Variants in AFDN observed in about 807,000 individuals in gnomAD.
The protein encoded by AFDN is afadin, adherens junction formation factor.
A neutral mutation model predicts 216.6 loss-of-function variants in AFDN; 68 were observed. The observed-to-expected ratio is 0.31, with a 90% confidence interval of 0.26 to 0.38. The LOEUF (loss-of-function observed/expected upper bound fraction) is 0.38. Ranked by LOEUF, AFDN falls within the 10% of genes least tolerant of loss-of-function variation. The pLI is 1.00. For missense variants in AFDN, 2,136 were observed against 2,342.0 expected, an observed-to-expected ratio of 0.91 and a Z score of 1.82; for synonymous variants, 868 against 853.7, an observed-to-expected ratio of 1.02 and a Z score of -0.29.
chr6:167,853,159 A>G (rs1335515918), intron 1 of AFDN, among the ~76,000 whole-genome samples: 1 of 152,024 alleles, frequency 6.6e-6, no homozygotes, highest in African/African-American at 2.4e-5. Flanking sequence ...AAATCTGTAT[A>G]TTTCTACTGA....
chr6:167,864,259 T>C (rs1281710298), intron 1 of AFDN: 2 of 613,226 alleles, frequency 3.3e-6, no homozygotes, highest in African/African-American at 3.6e-5. Flanking sequence ...AGTGTCATGG[T>C]GTGCCTACCA....
At chr6:167,846,016 A>T (rs1295240986) in intron 1 of AFDN, among the ~76,000 whole-genome samples, 1 of 152,134 alleles carries the variant, frequency 6.6e-6, no homozygotes, top group Non-Finnish European at 1.5e-5. Context: ...CCACTCAGTC[A>T]CAAGAACAGC....
rs1790364527 is a variant in AFDN at position 167,911,307 on chromosome 6, A to C, written c.1855A>C (p.Ile619Leu). The C allele has an allele frequency of 6.2e-7, 1 of 1,613,788 alleles. No individual in the cohort carries two copies. The highest frequency in any genetic ancestry group is 1.1e-5 in the South Asian group (1 of 91,042). Residue 619 changes from isoleucine (I) to leucine (L), a missense_variant, in exon 15 of 34, where the codon ATT (isoleucine) becomes CTT (leucine). Ile to Leu is a conservative substitution (Grantham distance 5). Around this residue, in one of 8 missense-constraint regions of AFDN, gnomAD observed 817 missense variants for 965.7 expected, o/e 0.85. Coordinates refer to ENST00000683244, the MANE Select transcript of AFDN (RefSeq NM_001386888.1). ...ESSEDSFLSA[I>L]INYTNSSTVH... ...AGCTGAAGATTCATTTTTGTCTGCCATTATAAATTATACTAATAGCTCTAC... is the reference window on the plus strand; with the variant it reads ...AGCTGAAGATTCATTTTTGTCTGCCCTTATAAATTATACTAATAGCTCTAC...
chr6:167,843,067 T>G (rs1206781584), intron 1 of AFDN, among the ~76,000 whole-genome samples: 5 of 152,188 alleles, frequency 3.3e-5, no homozygotes, highest in Non-Finnish European at 7.3e-5. Flanking sequence ...TCCTGGAGTT[T>G]CAGTAGGAAT....
intron 23 of AFDN, among the ~76,000 whole-genome samples, chr6:167,937,883 C>T (rs763130660): frequency 1.3e-5 from 2 of 152,190 alleles, no homozygotes; most frequent in Non-Finnish European, 2.9e-5. Flanking sequence ...ACCTCCTCAT[C>T]GTAGGTTTTT....
intron 8 of AFDN, among the ~76,000 whole-genome samples, chr6:167,891,404 GGT>G (rs1332609653): frequency 9.4e-5 from 13 of 138,152 alleles, no homozygotes; most frequent in East Asian, 2.1e-4. Context: ...TTCATAAAGG[GGT>G]GGGTGTGTGT....
intron 6 of AFDN, among the ~76,000 whole-genome samples, chr6:167,887,474 G>T (rs1787004907): frequency 2.0e-5 from 3 of 146,446 alleles, no homozygotes; most frequent in Non-Finnish European, 3.0e-5. Context: ...TTTCCTTTTG[G>T]AGATGAAGTC....
chr6:167,955,305 T>C lies in AFDN; in HGVS notation c.4833+3118T>C, dbSNP rs1175487384. On this transcript the variant is annotated intron_variant, in intron 30 of 33. Transcript: ENST00000683244. The stretch of plus-strand genomic sequence containing the variant: ...TAATAGTCCCCTTTTCCTTCCCCCC[T>C]CAGTTTAGCACAGCGGTAATAACAC... 5.4e-5 allele frequency among the ~76,000 whole-genome samples: 8 copies of C among 148,268 alleles called. No homozygotes were observed. The South Asian group carries it at 6.6e-4, about 12-fold the overall frequency.
chr6:167,844,177 A>AGTGT (rs71004173), intron 1 of AFDN, among the ~76,000 whole-genome samples: 5,783 of 141,696 alleles, frequency 0.041, 296 homozygotes, highest in African/African-American at 0.13. Context: ...TCAAAAATGA[A>AGTGT]GTGTGTGTGT....
chr6:167,970,838 C>T lies in AFDN; in HGVS notation c.*903C>T. ...AGAAGAATGGGAGATGAGTAGGGAC[C>T]CCTCAAGCACAGCTGTCACTCAGAA... is the stretch of plus-strand genomic sequence containing the variant. On this transcript the variant is annotated 3_prime_UTR_variant, in exon 34 of 34. Coordinates refer to ENST00000683244, the MANE Select transcript of AFDN (RefSeq NM_001386888.1). The T allele has an allele frequency of 4.6e-6, 1 of 218,608 alleles. No homozygotes were observed. Among genetic ancestry groups the T allele is most frequent in the East Asian group, 6.7e-5 (1 of 14,850 alleles). 13.5% of individuals were successfully genotyped at this position (218,608 alleles called of 1,614,324 possible).
intron 2 of AFDN, among the ~76,000 whole-genome samples, chr6:167,869,357 A>G (rs879739356): frequency 6.6e-6 from 1 of 152,208 alleles, no homozygotes; most frequent in Admixed American, 6.5e-5. Flanking sequence ...CTAAAAAAAA[A>G]CTAAAATTCT....
chr6:167,949,401 A>G (rs566729563), intron 29 of AFDN, among the ~76,000 whole-genome samples: 19 of 152,326 alleles, frequency 1.2e-4, no homozygotes, highest in Admixed American at 1.1e-3. Flanking sequence ...AGAGGATTGC[A>G]CTGAGGAGAT....
At chr6:167,913,945 T>G in intron 16 of AFDN, 1 of 534,018 alleles carries the variant, frequency 1.9e-6, no homozygotes, top group Non-Finnish European at 3.3e-6. Flanking sequence ...TGAATCCATA[T>G]GTCTATGTGC....
rs1583099506 is a variant in AFDN, at chr6:167,970,383, T to C, written c.*448T>C. The C allele has an allele frequency of 4.2e-6, 1 of 237,270 alleles. No individual in the cohort carries two copies. The highest frequency in any genetic ancestry group is 6.6e-5 in the East Asian group (1 of 15,070). The allele number at this position is 237,270 out of a possible 1,614,324, so 14.7% of individuals were successfully genotyped here. On this transcript the variant is annotated 3_prime_UTR_variant, in exon 34 of 34. Transcript: ENST00000683244. ...GAATAGCTTGAACTATTCAGACTATTGTTGGCACTGTTTAGTAGTGACCAC... is the reference window on the plus strand; with the variant it reads ...GAATAGCTTGAACTATTCAGACTATCGTTGGCACTGTTTAGTAGTGACCAC...
At chr6:167,916,938 G>A in intron 19 of AFDN, 151 bp from the exon 20 acceptor site, 1 of 665,314 alleles carries the variant, frequency 1.5e-6, no homozygotes, top group Non-Finnish European at 2.4e-6. Flanking sequence ...AATGTATATA[G>A]TTACTGTAAA....
chr6:167,946,411 G>T (rs1446288310), intron 26 of AFDN, among the ~76,000 whole-genome samples: 1 of 151,916 alleles, frequency 6.6e-6, no homozygotes, highest in Admixed American at 6.6e-5. Context: ...TATCTTTATT[G>T]ATTTTTTTTT....
At chr6:167,944,792 A>T (rs1795079015) in intron 26 of AFDN, among the ~76,000 whole-genome samples, 1 of 152,120 alleles carries the variant, frequency 6.6e-6, no homozygotes, top group Non-Finnish European at 1.5e-5. Context: ...AAAAAAAAAA[A>T]AAGTGGAAGA....
In AFDN at chr6:167,951,648, C is replaced by T. The variant is rs754436231; in HGVS notation, c.4294C>T (p.Arg1432Cys). The T allele has an allele frequency of 2.3e-5, 37 of 1,613,814 alleles. No homozygotes were observed. The highest frequency in any genetic ancestry group is 2.8e-5 in the Non-Finnish European group (33 of 1,179,950). The part of the protein sequence containing the change: ...HQRWYEKEKA[R>C]LEEERERKRR... ...GCGTTGGTATGAGAAGGAGAAGGCCCGCCTGGAGGAGGAGCGGGAGAGGAA... is the reference window on the plus strand; with the variant it reads ...GCGTTGGTATGAGAAGGAGAAGGCCTGCCTGGAGGAGGAGCGGGAGAGGAA... Residue 1432 changes from arginine to cysteine, a missense_variant, in exon 30 of 34, where the codon CGC becomes TGC. This residue lies in a region of AFDN where 981 missense variants were observed against 966.0 expected (regional missense o/e 1.02). Transcript: ENST00000683244. This position sits in a 1 kb window ranked among gnomAD's most constrained non-coding sequence, Gnocchi z 7.1.
At chr6:167,834,457 G>GTTTTTTTTTTTTT (rs11446838) in intron 1 of AFDN, among the ~76,000 whole-genome samples, 4 of 75,256 alleles carry the variant, frequency 5.3e-5, no homozygotes, top group African/African-American at 1.0e-4. Context: ...TGTTGTTTCG[G>GTTTTTTTTTTTTT]TTTTTTTTTT....
Sources: gnomAD v4.1 joint callset for allele counts (sites outside exome capture counted in the v4.1 genomes callset) on GRCh38, gnomAD v4.1.1 for gene constraint, gnomAD v4.1.1 regional missense constraint, Gnocchi (gnomAD v3.1) non-coding constraint, MANE v1.5 for transcripts, NCBI Gene and HGNC (gene_info 2026-07-23, HGNC 2026-07-21) for gene names.